Variants in ZNF382 observed in about 807,000 individuals in gnomAD.
ZNF382 encodes KRAB/zinc finger suppressor protein 1.
In ZNF382, 20 loss-of-function variants were observed where a neutral mutation model predicts 38.8. The observed-to-expected ratio is 0.51, with a 90% CI of 0.36 to 0.75. The LOEUF is 0.75. Among genes scored for constraint, ZNF382 ranks in the 30% least tolerant of loss-of-function variants. The pLI is 0.00. For synonymous variants in ZNF382, 202 were observed against 223.1 expected, an observed-to-expected ratio of 0.91 and a Z score of 0.84; for missense variants, 546 against 654.1, an observed-to-expected ratio of 0.83 and a Z score of 1.80.
In ZNF382 at chr19:36,612,503, G is replaced by A. The variant is rs576225224; in HGVS notation, c.232+1761G>A. Among the ~76,000 whole-genome samples the A allele has an allele frequency of 3.7e-4, 56 of 152,214 alleles. No individual in the cohort carries two copies. The South Asian group carries it at 8.9e-3, about 24-fold the overall frequency. ...TATCGCTGATTCATAAGGCAGATGCGTATTTCATTTCTTTAGAAACTACCA... is the reference window on the plus strand; with the variant it reads ...TATCGCTGATTCATAAGGCAGATGCATATTTCATTTCTTTAGAAACTACCA... On this transcript the variant is annotated intron_variant, in intron 4 of 4. Transcript: ENST00000292928.
chr19:36,611,679 A>T (rs745451065), intron 4 of ZNF382, among the ~76,000 whole-genome samples: 41 of 152,194 alleles, frequency 2.7e-4, no homozygotes, highest in Non-Finnish European at 5.3e-4. Flanking sequence ...GGAATTGCTG[A>T]ATAATGTGGT....
At chr19:36,609,850 G>C (rs896313028) in intron 2 of ZNF382, 52 bp from the exon 3 acceptor site, 1 of 1,491,848 alleles carries the variant, frequency 6.7e-7, no homozygotes, top group Admixed American at 2.4e-5. Context: ...AGTAAACATT[G>C]TCAGTACTAG....
chr19:36,614,872 C>A (rs2037108234), intron 4 of ZNF382, among the ~76,000 whole-genome samples: 1 of 122,252 alleles, frequency 8.2e-6, no homozygotes, highest in Non-Finnish European at 1.8e-5. Context: ...TTCTTTCTTT[C>A]TTTCTTTCTT....
intron 4 of ZNF382, among the ~76,000 whole-genome samples, chr19:36,623,922 C>T (rs2037189804): frequency 6.6e-6 from 1 of 151,904 alleles, no homozygotes; most frequent in East Asian, 1.9e-4. Flanking sequence ...AACCCTGTCT[C>T]TACTAAAAAT....
intron 4 of ZNF382, among the ~76,000 whole-genome samples, chr19:36,619,897 A>AT (rs886929486): frequency 2.0e-5 from 3 of 151,550 alleles, no homozygotes; most frequent in Admixed American, 1.3e-4. Context: ...TGCCCAGCTA[A>AT]TTTTTTTGTA....
chr19:36,612,901 C>T lies in ZNF382; in HGVS notation c.232+2159C>T, dbSNP rs2037090058. Among the ~76,000 whole-genome samples, 3 of 152,168 alleles carry T rather than the reference C, an allele frequency of 2.0e-5. No homozygotes were observed. In the South Asian group the frequency reaches 6.2e-4, roughly 32 times the overall value. ...ATGCCTCCCGGGTTCAAGCAATTCT[C>T]CTGCCTCAGCCTCCCGAGTAGCTGG... On this transcript the variant is annotated intron_variant, in intron 4 of 4. Transcript: ENST00000292928.
chr19:36,610,235 C>T (rs2037066472), intron 3 of ZNF382, among the ~76,000 whole-genome samples, 182 bp downstream of exon 3: 1 of 152,058 alleles, frequency 6.6e-6, no homozygotes, highest in Non-Finnish European at 1.5e-5. Flanking sequence ...GCAGGTGGAT[C>T]ACTTGAGGCC....
chr19:36,615,946 C>G (rs546207533), intron 4 of ZNF382, among the ~76,000 whole-genome samples: 1 of 152,284 alleles, frequency 6.6e-6, no homozygotes, highest in South Asian at 2.1e-4. Context: ...TCTTAGTTAT[C>G]AAAATTTTAC....
At chr19:36,626,060 TTGTC>T (rs2145335588) in intron 4 of ZNF382, 66 bp from the exon 5 acceptor site, 2 of 1,134,714 alleles carry the variant, frequency 1.8e-6, no homozygotes, top group East Asian at 2.7e-5. Context: ...CCACCATAGT[TTGTC>T]TGTATGTATA....
In ZNF382 at chr19:36,614,140, G is replaced by A. The variant is rs184007886; in HGVS notation, c.232+3398G>A. Among the ~76,000 whole-genome samples, 949 of 152,112 alleles carry A rather than the reference G, an allele frequency of 6.2e-3. 5 individuals are homozygous for A. Among genetic ancestry groups the A allele is most frequent in the South Asian group, 0.011 (51 of 4,816 alleles). ...GGATCACCTGAGGTCAGGAGTTCAAGACCAGCCTGGCCAACATGGTGAAAC... is the reference window on the plus strand; with the variant it reads ...GGATCACCTGAGGTCAGGAGTTCAAAACCAGCCTGGCCAACATGGTGAAAC... On this transcript the variant is annotated intron_variant, in intron 4 of 4. Transcript: ENST00000292928.
chr19:36,611,098 G>T (rs2037073820), intron 4 of ZNF382, among the ~76,000 whole-genome samples: 1 of 152,040 alleles, frequency 6.6e-6, no homozygotes, highest in South Asian at 2.1e-4. Flanking sequence ...ACCATTTCTG[G>T]CTAACACAGT....
Position 36,633,979 on chromosome 19 carries a change from G to A in ZNF382, c.*6429G>A, listed in dbSNP as rs1020941339. The stretch of plus-strand genomic sequence containing the variant: ...CACGAGGCAATTCTTTGAGGTGTTG[G>A]AATTGTTTTGTATCCTGCTTGTGGT... On this transcript the variant is annotated 3_prime_UTR_variant, in exon 5 of 5. Coordinates refer to ENST00000292928, the MANE Select transcript of ZNF382 (RefSeq NM_032825.5). 6.6e-6 allele frequency: 1 copy of A among 152,102 alleles called. No homozygotes were observed. The highest frequency in any genetic ancestry group is 1.5e-5 in the Non-Finnish European group (1 of 68,006). The allele number at this position is 152,102 out of a possible 1,614,324, so 9.4% of individuals were successfully genotyped here.
chr19:36,616,935 G>T (rs2037130495), intron 4 of ZNF382, among the ~76,000 whole-genome samples: 1 of 152,062 alleles, frequency 6.6e-6, no homozygotes, highest in Non-Finnish European at 1.5e-5. Flanking sequence ...GTTCTGAAGG[G>T]CCACCTGTCA....
At chr19:36,606,940 G>C (rs1340024021) in intron 1 of ZNF382, among the ~76,000 whole-genome samples, 1 of 151,782 alleles carries the variant, frequency 6.6e-6, no homozygotes, top group African/African-American at 2.4e-5. Context: ...AGCCGGGCAT[G>C]GTGGTGCATG....
At chr19:36,622,265 C>G (rs1444094075) in intron 4 of ZNF382, among the ~76,000 whole-genome samples, 1 of 152,080 alleles carries the variant, frequency 6.6e-6, no homozygotes, top group Non-Finnish European at 1.5e-5. Flanking sequence ...AAGTGATCCA[C>G]CCACCTCGGC....
intron 4 of ZNF382, among the ~76,000 whole-genome samples, chr19:36,614,296 C>T (rs577549574): frequency 7.2e-5 from 11 of 152,064 alleles, no homozygotes; most frequent in Non-Finnish European, 1.5e-4. Flanking sequence ...GCCAAGACCG[C>T]GCCATTGCAC....
intron 4 of ZNF382, among the ~76,000 whole-genome samples, chr19:36,612,370 A>G (rs570937483): frequency 6.6e-6 from 1 of 152,296 alleles, no homozygotes; most frequent in Admixed American, 6.5e-5. Flanking sequence ...GACATTTGGG[A>G]TGTTTCTAGT....
At chr19:36,625,564 T>TG (rs397711066) in intron 4 of ZNF382, among the ~76,000 whole-genome samples, 4 of 150,584 alleles carry the variant, frequency 2.7e-5, no homozygotes, top group East Asian at 2.0e-4. Flanking sequence ...TTTTTTTTTT[T>TG]GGGTGGGGCG....
chr19:36,633,884 TAAC>T lies in ZNF382; in HGVS notation c.*6339_*6341del, dbSNP rs2037269926. The T allele has an allele frequency of 6.6e-6, 1 of 152,110 alleles. No individual in the cohort carries two copies. The highest frequency in any genetic ancestry group is 2.4e-5 in the African/African-American group (1 of 41,432). The allele number at this position is 152,110 out of a possible 1,614,324, so 9.4% of individuals were successfully genotyped here. ...TGACATGCTGGAAAAGGTGAAAATA[TAAC>T]AACAGAAAACAGATCAAATGTTGCT... is the stretch of plus-strand genomic sequence containing the variant. On this transcript the variant is annotated 3_prime_UTR_variant, in exon 5 of 5. Coordinates refer to ENST00000292928, the MANE Select transcript of ZNF382 (RefSeq NM_032825.5).
Sources: gnomAD v4.1 joint callset for allele counts (sites outside exome capture counted in the v4.1 genomes callset) on GRCh38, gnomAD v4.1.1 for gene constraint, MANE v1.5 for transcripts, NCBI Gene and HGNC (gene_info 2026-07-23, HGNC 2026-07-21) for gene names.